SELENOF: variants seen among roughly 807,000 people sequenced by gnomAD.
SELENOF encodes selenoprotein F, also known as 15 kDa selenoprotein.
Under a neutral mutation model 20.5 loss-of-function variants are expected in SELENOF, and 16 were observed. The observed-to-expected ratio is 0.78, with a 90% CI of 0.53 to 1.19. The LOEUF (loss-of-function observed/expected upper bound fraction) is 1.19. SELENOF is among the 50% of genes most tolerant of loss of function. The pLI is 0.00. For synonymous variants in SELENOF, 78 were observed against 74.5 expected, an observed-to-expected ratio of 1.05 and a Z score of -0.24; for missense variants, 215 against 194.2, an observed-to-expected ratio of 1.11 and a Z score of -0.64.
At chr1:86,895,838 A>C (rs1659507815) in intron 2 of SELENOF, among the ~76,000 whole-genome samples, 1 of 152,214 alleles carries the variant, frequency 6.6e-6, no homozygotes, top group Admixed American at 6.5e-5. Context: ...AAATGCTAAA[A>C]CCAATTATAT....
At chr1:86,874,792 G>C (rs1658882222) in intron 3 of SELENOF, among the ~76,000 whole-genome samples, 1 of 152,130 alleles carries the variant, frequency 6.6e-6, no homozygotes, top group African/African-American at 2.4e-5. Context: ...CTGTTGATTA[G>C]AAATAAGTAT....
At chr1:86,907,374 C>T (rs138935811) in intron 1 of SELENOF, among the ~76,000 whole-genome samples, 11 of 152,236 alleles carry the variant, frequency 7.2e-5, no homozygotes, top group Middle Eastern at 3.4e-3. Context: ...TACAAAGTAT[C>T]GAGTTTCTTA....
intron 1 of SELENOF, among the ~76,000 whole-genome samples, chr1:86,908,862 T>C (rs1172286471): frequency 2.6e-5 from 4 of 152,244 alleles, no homozygotes; most frequent in Admixed American, 1.3e-4. Context: ...ATATCACTTT[T>C]CTATTGCTTA....
chr1:86,910,121 A>G (rs997571162), intron 1 of SELENOF, among the ~76,000 whole-genome samples: 11 of 152,276 alleles, frequency 7.2e-5, no homozygotes, highest in Non-Finnish European at 1.0e-4. Context: ...ATAAAGAAAC[A>G]AAGGCCAAGA....
Position 86,880,776 on chromosome 1 carries a change from A to G in SELENOF, c.253-51T>C, listed in dbSNP as rs373001260. 97 of 1,134,578 alleles carry G rather than the reference A, an allele frequency of 8.5e-5. 1 individual carries two copies. In the South Asian group the frequency reaches 1.3e-3, roughly 16 times the overall value. 70.3% of individuals were successfully genotyped at this position (1,134,578 alleles called of 1,614,324 possible). A position where few individuals can be genotyped will look rare whatever the true frequency, so the allele number is the denominator to read the frequency against. ...AAAAACTGGTATAAATTAAAAATGT[A>G]CTTATAAAATAAATATAAATTTTCA... is the stretch of plus-strand genomic sequence containing the variant. On this transcript the variant is annotated intron_variant, in intron 2 of 4. Transcript: ENST00000331835.
intron 1 of SELENOF, among the ~76,000 whole-genome samples, chr1:86,911,550 C>G (rs986971046): frequency 1.3e-5 from 2 of 152,104 alleles, no homozygotes; most frequent in African/African-American, 4.8e-5. Flanking sequence ...GAGTTTTAAT[C>G]ATGACAGATT....
intron 2 of SELENOF, among the ~76,000 whole-genome samples, chr1:86,892,928 T>C (rs1311144508): frequency 2.0e-5 from 3 of 152,224 alleles, no homozygotes; most frequent in Admixed American, 6.5e-5. Context: ...GTGTTTTATA[T>C]TGAACTCATT....
chr1:86,892,111 T>C (rs1368960660), intron 2 of SELENOF, among the ~76,000 whole-genome samples: 1 of 152,010 alleles, frequency 6.6e-6, no homozygotes, highest in East Asian at 1.9e-4. Flanking sequence ...CTTTTGTATT[T>C]TTAGTAGAGA....
chr1:86,897,879 G>C (rs1173669099), intron 2 of SELENOF, among the ~76,000 whole-genome samples: 17 of 152,176 alleles, frequency 1.1e-4, no homozygotes, highest in Admixed American at 1.1e-3. Context: ...TGGAGTCCAT[G>C]AGTCAAAAGA....
intron 3 of SELENOF, among the ~76,000 whole-genome samples, chr1:86,874,098 C>A (rs990506434): frequency 3.4e-5 from 5 of 149,250 alleles, no homozygotes; most frequent in Non-Finnish European, 5.9e-5. Context: ...GTGGGTCACA[C>A]AATAAAAAAA....
intron 2 of SELENOF, among the ~76,000 whole-genome samples, chr1:86,886,277 G>GGGC: frequency 6.6e-6 from 1 of 152,240 alleles, no homozygotes; most frequent in Non-Finnish European, 1.5e-5. Flanking sequence ...GTAATGGGCA[G>GGGC]GCAGGGATGA....
chr1:86,907,008 AATT>A (rs1304642273), intron 1 of SELENOF, among the ~76,000 whole-genome samples: 1 of 152,230 alleles, frequency 6.6e-6, no homozygotes, highest in Non-Finnish European at 1.5e-5. Context: ...ATAATCATGC[AATT>A]ATACTATTTG....
chr1:86,864,781 C>T (rs1461037640), intron 4 of SELENOF, among the ~76,000 whole-genome samples: 1 of 151,790 alleles, frequency 6.6e-6, no homozygotes, highest in Non-Finnish European at 1.5e-5. Flanking sequence ...GGATTACAGG[C>T]CCCTGCTACC....
intron 2 of SELENOF, among the ~76,000 whole-genome samples, chr1:86,886,212 GA>G (rs1461993476): frequency 6.6e-6 from 1 of 152,054 alleles, no homozygotes; most frequent in Non-Finnish European, 1.5e-5. Flanking sequence ...ACTAAATTAG[GA>G]TATCTAGGGG....
intron 2 of SELENOF, among the ~76,000 whole-genome samples, chr1:86,897,532 T>G (rs543635807): frequency 6.6e-6 from 1 of 152,062 alleles, no homozygotes; most frequent in Non-Finnish European, 1.5e-5. Context: ...ACTCTAGTAA[T>G]TGAGGAATAA....
At chr1:86,899,954 G>C (rs1433245573) in intron 2 of SELENOF, among the ~76,000 whole-genome samples, 2 of 151,726 alleles carry the variant, frequency 1.3e-5, no homozygotes, top group South Asian at 4.2e-4. Flanking sequence ...CACACGGGGC[G>C]GCGGGGCAAA....
intron 2 of SELENOF, among the ~76,000 whole-genome samples, chr1:86,893,450 C>CAA (rs10714134): frequency 2.0e-4 from 18 of 90,502 alleles, no homozygotes; most frequent in Admixed American, 8.9e-4. Context: ...TACTAAAATA[C>CAA]AAAAAAAAAA....
At chr1:86,913,847 C>T in intron 1 of SELENOF, 181 bp downstream of exon 1, 1 of 615,620 alleles carries the variant, frequency 1.6e-6, no homozygotes, top group Non-Finnish European at 2.9e-6. Flanking sequence ...TGCTAGAAAC[C>T]CAAGGCGGGG....
chr1:86,878,338 T>C (rs1171380657), intron 3 of SELENOF, among the ~76,000 whole-genome samples: 1 of 152,236 alleles, frequency 6.6e-6, no homozygotes, highest in Admixed American at 6.5e-5. Flanking sequence ...TAGAGTATAA[T>C]GTAGGTTATC....
Sources: gnomAD v4.1 joint callset for allele counts (sites outside exome capture counted in the v4.1 genomes callset) on GRCh38, gnomAD v4.1.1 for gene constraint, MANE v1.5 for transcripts, NCBI Gene and HGNC (gene_info 2026-07-23, HGNC 2026-07-21) for gene names.